The following LPP variants were observed in gnomAD, a reference collection of about 807,000 sequenced individuals.
The protein encoded by LPP is LIM domain containing preferred translocation partner in lipoma.
Under a neutral mutation model 60.4 loss-of-function variants are expected in LPP, and 38 were observed. The ratio of observed to expected loss-of-function variants is 0.63; its 90% confidence interval spans 0.49 to 0.83. The LOEUF is 0.83. Among genes scored for constraint, LPP ranks in the 40% least tolerant of loss-of-function variants. The pLI, the probability that LPP is intolerant of heterozygous loss-of-function variation, is 0.00. For missense variants in LPP, 902 were observed against 783.6 expected, an observed-to-expected ratio of 1.15 and a Z score of -1.80; for synonymous variants, 328 against 290.8, an observed-to-expected ratio of 1.13 and a Z score of -1.30.
chr3:188,753,611 G>GTA (rs1728858847), intron 8 of LPP, among the ~76,000 whole-genome samples: 1 of 148,216 alleles, frequency 6.7e-6, no homozygotes, highest in South Asian at 2.1e-4. Context: ...GTGTGTGTGT[G>GTA]TGTGTTTTGT....
intron 9 of LPP, among the ~76,000 whole-genome samples, chr3:188,813,133 A>G (rs1233433168): frequency 1.3e-5 from 2 of 152,202 alleles, no homozygotes; most frequent in African/African-American, 2.4e-5. Context: ...ACAGACACAT[A>G]TAGAATTTAC....
At chr3:188,335,471 C>G (rs1286826408) in intron 2 of LPP, among the ~76,000 whole-genome samples, 1 of 152,176 alleles carries the variant, frequency 6.6e-6, no homozygotes, top group Non-Finnish European at 1.5e-5. Context: ...CTATGTTCAT[C>G]AGAGATCCTG....
chr3:188,334,384 A>G (rs1443778735), intron 2 of LPP, among the ~76,000 whole-genome samples: 1 of 147,300 alleles, frequency 6.8e-6, no homozygotes, highest in African/African-American at 2.5e-5. Context: ...TGGATATATG[A>G]CCAGCAGTGG....
At chr3:188,506,302 G>A (rs1813433839) in intron 5 of LPP, among the ~76,000 whole-genome samples, 1 of 152,108 alleles carries the variant, frequency 6.6e-6, no homozygotes, top group Non-Finnish European at 1.5e-5. Context: ...AGGTTATTTT[G>A]AGGACTAATT....
At chr3:188,522,861 A>G (rs1047061985) in intron 5 of LPP, among the ~76,000 whole-genome samples, 28 of 144,088 alleles carry the variant, frequency 1.9e-4, no homozygotes, top group Non-Finnish European at 3.1e-4. Context: ...GTATGTGTGT[A>G]TATATATATG....
At chr3:188,596,173 AT>A (rs966389586) in intron 6 of LPP, among the ~76,000 whole-genome samples, 11 of 152,140 alleles carry the variant, frequency 7.2e-5, no homozygotes, top group African/African-American at 2.4e-4. Flanking sequence ...GTTGAAAAAA[AT>A]TTTTTTAAGA....
intron 6 of LPP, among the ~76,000 whole-genome samples, chr3:188,531,466 C>G (rs1463370121): frequency 3.9e-5 from 6 of 151,956 alleles, no homozygotes; most frequent in African/African-American, 1.2e-4. Flanking sequence ...TGGCTGGTTA[C>G]CAGAATGACC....
chr3:188,828,905 T>C lies in LPP; in HGVS notation c.1411-37295T>C, dbSNP rs187156002. Among the ~76,000 whole-genome samples, 802 of 152,322 alleles carry C rather than the reference T, an allele frequency of 5.3e-3. 22 individuals carry two copies. Among genetic ancestry groups the C allele is most frequent in the Admixed American group, 0.046 (709 of 15,300 alleles). ...GTATGTAATATATAGTGTGAATATATGTATGCGTTATGTATATAGCATTAT... is the reference window on the plus strand; with the variant it reads ...GTATGTAATATATAGTGTGAATATACGTATGCGTTATGTATATAGCATTAT... On this transcript the variant is annotated intron_variant, in intron 9 of 11. Coordinates refer to ENST00000617246, the MANE Select transcript of LPP (RefSeq NM_001375462.1).
intron 4 of LPP, among the ~76,000 whole-genome samples, chr3:188,432,350 G>A (rs577740543): frequency 8.5e-5 from 13 of 152,100 alleles, no homozygotes; most frequent in African/African-American, 2.7e-4. Context: ...TGTATACAGC[G>A]ATAGCTATCA....
At chr3:188,553,369 C>T (rs1828671312) in intron 6 of LPP, among the ~76,000 whole-genome samples, 2 of 152,098 alleles carry the variant, frequency 1.3e-5, no homozygotes, top group Admixed American at 6.6e-5. Context: ...GCAAAGGTAA[C>T]TCAGATTTGG....
chr3:188,499,909 G>A (rs897853193), intron 5 of LPP, among the ~76,000 whole-genome samples: 5 of 151,776 alleles, frequency 3.3e-5, no homozygotes, highest in Non-Finnish European at 7.4e-5. Context: ...TTTCCTTTTT[G>A]AATTGTTCAT....
chr3:188,856,494 G>A (rs565336787), intron 9 of LPP, among the ~76,000 whole-genome samples: 66 of 152,278 alleles, frequency 4.3e-4, no homozygotes, highest in African/African-American at 1.6e-3. Flanking sequence ...CTGTGTAACA[G>A]TAATTCTCTC....
chr3:188,437,500 T>C (rs1792627881), intron 4 of LPP, among the ~76,000 whole-genome samples: 1 of 152,222 alleles, frequency 6.6e-6, no homozygotes. Flanking sequence ...CAAATTTGTT[T>C]AAAAAACAAA....
chr3:188,491,215 C>T lies in LPP; in HGVS notation c.306+6511C>T, dbSNP rs115528344. On this transcript the variant is annotated intron_variant, in intron 5 of 11. Transcript: ENST00000617246. The stretch of plus-strand genomic sequence containing the variant: ...GAAATAGGCAGCTGAACTGGCTTTA[C>T]GTGGGTTGGACCACCTTATCATAAA... Among the ~76,000 whole-genome samples, 278 of 152,282 alleles carry T rather than the reference C, an allele frequency of 1.8e-3. 3 individuals carry two copies. The highest frequency in any genetic ancestry group is 6.3e-3 in the African/African-American group (262 of 41,562).
chr3:188,431,360 G>C (rs1790849940), intron 4 of LPP, among the ~76,000 whole-genome samples: 3 of 152,074 alleles, frequency 2.0e-5, no homozygotes, highest in African/African-American at 7.2e-5. Context: ...GTTGAAAGCT[G>C]GGCACCATGG....
intron 6 of LPP, among the ~76,000 whole-genome samples, chr3:188,571,632 A>C (rs547850472): frequency 6.6e-6 from 1 of 152,192 alleles, no homozygotes; most frequent in East Asian, 1.9e-4. Context: ...ATAAATAATA[A>C]AAAGCCAATC....
chr3:188,448,960 A>G (rs1795968717), intron 4 of LPP, among the ~76,000 whole-genome samples: 2 of 152,192 alleles, frequency 1.3e-5, no homozygotes, highest in Admixed American at 1.3e-4. Flanking sequence ...CAACTCTGAT[A>G]CTTTTTTCTA....
intron 3 of LPP, among the ~76,000 whole-genome samples, chr3:188,363,645 G>A (rs1364536867): frequency 3.9e-5 from 6 of 152,160 alleles, no homozygotes; most frequent in Non-Finnish European, 5.9e-5. Flanking sequence ...AGTGGCTCAA[G>A]CCTGTAATCC....
chr3:188,718,228 A>G (rs554860163), intron 8 of LPP, among the ~76,000 whole-genome samples: 1 of 152,338 alleles, frequency 6.6e-6, no homozygotes, highest in Non-Finnish European at 1.5e-5. Context: ...AGAAAACTGT[A>G]TCCCAAATGA....
Sources: allele counts gnomAD v4.1 joint callset (sites outside exome capture counted in the v4.1 genomes callset), GRCh38; gene constraint gnomAD v4.1.1; transcripts MANE v1.5; gene names NCBI Gene and HGNC (gene_info 2026-07-23, HGNC 2026-07-21).